CELF2: variants seen among roughly 807,000 people sequenced by gnomAD.
CELF2 encodes CUG triplet repeat RNA-binding protein 2.
Under a neutral mutation model 62.6 loss-of-function variants are expected in CELF2, and 8 were observed. The ratio of observed to expected loss-of-function variants is 0.13; its 90% CI spans 0.07 to 0.23. CELF2 has a LOEUF of 0.23. Among genes scored for constraint, CELF2 ranks in the 10% least tolerant of loss-of-function variants. The pLI is 1.00. For missense variants in CELF2, 333 were observed against 671.0 expected (o/e 0.50, Z 5.56); for synonymous variants, 258 against 250.0 (o/e 1.03, Z -0.30).
chr10:11,140,815 A>G (rs1013374683), intron 1 of CELF2, among the ~76,000 whole-genome samples: 1 of 152,142 alleles, frequency 6.6e-6, no homozygotes, highest in Non-Finnish European at 1.5e-5. Flanking sequence ...CCGAGATTTC[A>G]AGACCAGCCC....
the CELF2 span, among the ~76,000 whole-genome samples, chr10:10,583,500 A>G: frequency 6.6e-6 from 1 of 152,288 alleles, no homozygotes; most frequent in Non-Finnish European, 1.5e-5. Context: ...GCAAAAATCT[A>G]TGGGTCCTCT....
chr10:10,626,950 C>T, the CELF2 span, among the ~76,000 whole-genome samples: 30 of 152,194 alleles, frequency 2.0e-4, no homozygotes, highest in Non-Finnish European at 2.5e-4. Context: ...GGCCATGAGG[C>T]TTTGTGAAAT....
the CELF2 span, among the ~76,000 whole-genome samples, chr10:10,763,708 A>G: frequency 2.2e-4 from 33 of 152,294 alleles, no homozygotes; most frequent in South Asian, 1.7e-3. Flanking sequence ...CTGTATTTTC[A>G]CTAGACAAAA....
chr10:10,823,192 A>G (rs2057108101), intron 1 of CELF2, among the ~76,000 whole-genome samples: 1 of 152,226 alleles, frequency 6.6e-6, no homozygotes, highest in South Asian at 2.1e-4. Context: ...AAACAGAAAA[A>G]ATATAGGTAT....
chr10:11,054,634 G>A (rs57336831), intron 1 of CELF2, among the ~76,000 whole-genome samples: 9,701 of 152,098 alleles, frequency 0.064, 1,062 homozygotes, highest in African/African-American at 0.22. Context: ...CTGTGGATTG[G>A]CACTGACTGA....
chr10:10,526,686 C>G, the CELF2 span, among the ~76,000 whole-genome samples: 1 of 152,202 alleles, frequency 6.6e-6, no homozygotes, highest in Non-Finnish European at 1.5e-5. Flanking sequence ...ACTTCCAACT[C>G]TTTTTCACTC....
At chr10:10,495,162 T>C in the CELF2 span, among the ~76,000 whole-genome samples, 1 of 151,946 alleles carries the variant, frequency 6.6e-6, no homozygotes, top group Non-Finnish European at 1.5e-5. Flanking sequence ...GCGCCTGTAG[T>C]CCCAGCTACT....
intron 1 of CELF2, among the ~76,000 whole-genome samples, chr10:10,809,677 G>A (rs529304205): frequency 2.0e-5 from 3 of 152,194 alleles, no homozygotes; most frequent in African/African-American, 4.8e-5. Flanking sequence ...ATTTAATTTA[G>A]CAGACTTCTA....
chr10:10,909,182 A>T (rs1265861753), intron 1 of CELF2, among the ~76,000 whole-genome samples: 4 of 152,084 alleles, frequency 2.6e-5, no homozygotes, highest in African/African-American at 7.2e-5. Flanking sequence ...AGGGAGAGGG[A>T]GGTCCTCTGA....
chr10:11,110,525 A>G lies in CELF2; in HGVS notation c.75-54961A>G, dbSNP rs1294199185. 6.6e-6 allele frequency among the ~76,000 whole-genome samples: 1 copy of G among 152,134 alleles called. No individual in the cohort carries two copies. The highest frequency in any genetic ancestry group is 1.5e-5 in the Non-Finnish European group (1 of 68,008). On this transcript the variant is annotated intron_variant, in intron 1 of 12. Coordinates refer to ENST00000633077, the MANE Select transcript of CELF2 (RefSeq NM_001326342.2). This position sits in a 1 kb window ranked among gnomAD's most constrained non-coding sequence, Gnocchi z 4.0. ...CACTGCTAGATTGATGAAATACACT[A>G]ATGCATGGAGTAGAAACAGAGGGGC...
intron 1 of CELF2, among the ~76,000 whole-genome samples, chr10:10,872,664 A>G (rs1424041802): frequency 7.9e-6 from 1 of 126,776 alleles, no homozygotes; most frequent in East Asian, 4.3e-4. Flanking sequence ...CAAAACAACA[A>G]CAACAACAAC....
the CELF2 span, among the ~76,000 whole-genome samples, chr10:10,500,944 G>A: frequency 6.6e-6 from 1 of 152,208 alleles, no homozygotes; most frequent in East Asian, 1.9e-4. Context: ...AGGTTGTAGT[G>A]TGTATCAGTA....
At chr10:11,254,599 G>A (rs2078130392) in intron 4 of CELF2, among the ~76,000 whole-genome samples, 1 of 152,132 alleles carries the variant, frequency 6.6e-6, no homozygotes, top group African/African-American at 2.4e-5. Flanking sequence ...GGAGCTGCAT[G>A]GTTAATTTAC....
At chr10:10,662,181 G>C in the CELF2 span, among the ~76,000 whole-genome samples, 39 of 152,260 alleles carry the variant, frequency 2.6e-4, no homozygotes, top group African/African-American at 9.4e-4. Context: ...TACCAGCTCA[G>C]CCACTAGGAG....
chr10:11,054,388 G>A (rs1207275502), intron 1 of CELF2, among the ~76,000 whole-genome samples: 8 of 152,104 alleles, frequency 5.3e-5, no homozygotes, highest in African/African-American at 1.9e-4. Context: ...AGGAACATAT[G>A]TAAGGTGCTA....
At chr10:10,829,342 TC>T (rs1365645734) in intron 1 of CELF2, among the ~76,000 whole-genome samples, 6 of 152,192 alleles carry the variant, frequency 3.9e-5, no homozygotes, top group Admixed American at 3.9e-4. Flanking sequence ...TATAAATCAA[TC>T]CATAATCCGG....
At chr10:11,144,320 G>A (rs1368298453) in intron 1 of CELF2, among the ~76,000 whole-genome samples, 1 of 152,102 alleles carries the variant, frequency 6.6e-6, no homozygotes, top group African/African-American at 2.4e-5. Context: ...ATAGTAGTTC[G>A]ATATTATATT....
chr10:11,284,905 T>A (rs887809421), intron 8 of CELF2, among the ~76,000 whole-genome samples: 2 of 149,418 alleles, frequency 1.3e-5, no homozygotes, highest in East Asian at 4.0e-4. Flanking sequence ...GATGGGTGGA[T>A]GGTTGGATGG....
chr10:10,656,293 C>G, the CELF2 span, among the ~76,000 whole-genome samples: 1 of 150,512 alleles, frequency 6.6e-6, no homozygotes, highest in African/African-American at 2.4e-5. Flanking sequence ...CTAGTTCAAC[C>G]ATTGTGGAAG....
Sources: allele counts gnomAD v4.1 joint callset (sites outside exome capture counted in the v4.1 genomes callset), GRCh38; gene constraint gnomAD v4.1.1; non-coding constraint Gnocchi (gnomAD v3.1); transcripts MANE v1.5; gene names NCBI Gene and HGNC (gene_info 2026-07-23, HGNC 2026-07-21).